NXN: variants seen among roughly 807,000 people sequenced by gnomAD.
The protein encoded by NXN is nucleoredoxin, also known as nucleoredoxin 1.
A neutral mutation model predicts 48.6 loss-of-function variants in NXN; 16 were observed. The observed-to-expected ratio is 0.33, with a 90% CI of 0.22 to 0.50. The LOEUF (loss-of-function observed/expected upper bound fraction) is 0.50, where lower values mean the gene tolerates loss of function less well. Ranked by LOEUF, NXN falls within the 20% of genes least tolerant of loss-of-function variation. The pLI is 0.98. For synonymous variants in NXN, 281 were observed against 269.6 expected (o/e 1.04, Z -0.41); for missense variants, 492 against 605.5 (o/e 0.81, Z 1.97).
chr17:808,212 G>C (rs1035632323), intron 5 of NXN, among the ~76,000 whole-genome samples: 4 of 152,144 alleles, frequency 2.6e-5, no homozygotes, highest in Non-Finnish European at 1.5e-5. Context: ...GCTCCTGGGG[G>C]AGAAGGCTGA....
chr17:817,210 C>T (rs368446204), intron 5 of NXN, among the ~76,000 whole-genome samples: 22 of 152,236 alleles, frequency 1.4e-4, no homozygotes, highest in South Asian at 2.1e-4. Context: ...TCTCAGCTCC[C>T]GCTTAGCCCC....
At chr17:934,747 A>G (rs1033666239) in intron 1 of NXN, among the ~76,000 whole-genome samples, 2 of 151,282 alleles carry the variant, frequency 1.3e-5, no homozygotes, top group African/African-American at 4.9e-5. Flanking sequence ...GATGGCACGC[A>G]CCTGTAATCC....
At chr17:927,327 G>A (rs1015494885) in intron 1 of NXN, among the ~76,000 whole-genome samples, 2 of 151,490 alleles carry the variant, frequency 1.3e-5, no homozygotes, top group African/African-American at 4.8e-5. Flanking sequence ...GCAAAATTAG[G>A]ACTGGGTGCT....
chr17:811,976 G>A (rs1336590532), intron 5 of NXN, among the ~76,000 whole-genome samples: 8 of 141,500 alleles, frequency 5.7e-5, no homozygotes, highest in Non-Finnish European at 1.2e-4. Context: ...CGCCCAGGCT[G>A]GAGTGCAGTG....
At chr17:842,899 A>G (rs929570842) in intron 1 of NXN, among the ~76,000 whole-genome samples, 1 of 152,074 alleles carries the variant, frequency 6.6e-6, no homozygotes, top group African/African-American at 2.4e-5. Flanking sequence ...AGATCGCGCC[A>G]TTGCACTCCA....
chr17:962,775 G>C (rs752048058), intron 1 of NXN, among the ~76,000 whole-genome samples: 1 of 152,106 alleles, frequency 6.6e-6, no homozygotes, highest in Non-Finnish European at 1.5e-5. Context: ...ATCTGAATGC[G>C]CTTGGAAGCG....
At chr17:863,962 G>A in intron 1 of NXN, 4 of 1,533,950 alleles carry the variant, frequency 2.6e-6, no homozygotes, top group Non-Finnish European at 3.5e-6. Flanking sequence ...CCTGGGAACT[G>A]AGTGAGGAAA....
rs545302145 is a variant in NXN at position 804,131 on chromosome 17, A to G, written c.1001-325T>C. On this transcript the variant is annotated intron_variant, in intron 6 of 7. Coordinates refer to ENST00000336868, the MANE Select transcript of NXN (RefSeq NM_022463.5). Reference sequence around the variant, plus strand: ...CCGCCTGGGAGGCTGAGCTTCCCCTAAGCCAGGACCTGAGGCGCCTGCTAG... The same window carrying G: ...CCGCCTGGGAGGCTGAGCTTCCCCTGAGCCAGGACCTGAGGCGCCTGCTAG... 12 of 313,890 alleles carry G rather than the reference A, an allele frequency of 3.8e-5. No homozygotes were observed. In the South Asian group the frequency reaches 5.0e-4, roughly 13 times the overall value. 19.4% of individuals were successfully genotyped at this position (313,890 alleles called of 1,614,324 possible).
chr17:975,312 A>T (rs576588821), intron 1 of NXN, among the ~76,000 whole-genome samples: 1 of 152,318 alleles, frequency 6.6e-6, no homozygotes, highest in African/African-American at 2.4e-5. Context: ...GAAAAGATAC[A>T]GTGGTGTCAC....
chr17:800,752 G>A lies in NXN; in HGVS notation c.*197C>T, dbSNP rs1302295850. 2 of 402,258 alleles carry A rather than the reference G, an allele frequency of 5.0e-6. No homozygotes were observed. Among genetic ancestry groups the A allele is most frequent in the Admixed American group, 4.5e-5 (1 of 22,390 alleles). The allele number at this position is 402,258 out of a possible 1,614,324, so 24.9% of individuals were successfully genotyped here. ...GCTCCCAAACAGAGTCTCCAAACAC[G>A]GTGGACTCTGCCGCTGCTGATTCCA... On this transcript the variant is annotated 3_prime_UTR_variant, in exon 8 of 8. Coordinates refer to ENST00000336868, the MANE Select transcript of NXN (RefSeq NM_022463.5).
intron 1 of NXN, among the ~76,000 whole-genome samples, chr17:836,969 T>C (rs967093731): frequency 1.3e-5 from 2 of 149,156 alleles, no homozygotes; most frequent in Non-Finnish European, 3.0e-5. Context: ...GTTGCTATTA[T>C]TATTATTATT....
In NXN at chr17:979,668, A is replaced by G; in HGVS notation, c.11T>C (p.Phe4Ser). 6.8e-7 allele frequency: 1 copy of G among 1,466,272 alleles called. No homozygotes were observed. Among genetic ancestry groups the G allele is most frequent in the Non-Finnish European group, 9.0e-7 (1 of 1,107,756 alleles). 90.8% of individuals were successfully genotyped at this position (1,466,272 alleles called of 1,614,324 possible). ...CTTCTCGCCGAGCAGCTCCTCCAGG[A>G]AGCCCGACATCCTGGCCCACCGCAG... MSG[F>S]LEELLGEKLV... The change falls in exon 1 of 8, where the codon TTC becomes TCC. Residue 4 changes from phenylalanine (F) to serine (S), a missense_variant. Coordinates refer to ENST00000336868, the MANE Select transcript of NXN (RefSeq NM_022463.5).
intron 1 of NXN, among the ~76,000 whole-genome samples, chr17:844,585 CTTT>C (rs111924353): frequency 6.6e-6 from 1 of 151,778 alleles, no homozygotes; most frequent in African/African-American, 2.4e-5. Context: ...TTTTTCTTTT[CTTT>C]TTTTTCTTTT....
chr17:882,015 T>C (rs1410853411), intron 1 of NXN, among the ~76,000 whole-genome samples: 1 of 152,230 alleles, frequency 6.6e-6, no homozygotes, highest in Admixed American at 6.5e-5. Context: ...CTTGTTTGGA[T>C]AATTGTTCAT....
intron 1 of NXN, among the ~76,000 whole-genome samples, chr17:843,014 AAG>A (rs1567829023): frequency 1.2e-5 from 1 of 83,938 alleles, no homozygotes; most frequent in Non-Finnish European, 2.6e-5. Flanking sequence ...GAGAGAAAGA[AAG>A]AAAGAAAGAA....
In NXN at chr17:920,541, GGCTCTCA is replaced by G. The variant is rs2068738211; in HGVS notation, c.360+58771_360+58777del. 6.6e-6 allele frequency among the ~76,000 whole-genome samples: 1 copy of G among 151,926 alleles called. No homozygotes were observed. Among genetic ancestry groups the G allele is most frequent in the African/African-American group, 2.4e-5 (1 of 41,364 alleles). ...ACTCCAGCTCTGCAGCGTTCTCCCAGGCTCTCAACCCTCGACGCTCATCCAGGTTCAT... is the reference window on the plus strand; with the variant it reads ...ACTCCAGCTCTGCAGCGTTCTCCCAGACCCTCGACGCTCATCCAGGTTCAT... On this transcript the variant is annotated intron_variant, in intron 1 of 7. Coordinates refer to ENST00000336868, the MANE Select transcript of NXN (RefSeq NM_022463.5). The surrounding 1 kb of genome is among the most constrained non-coding windows in gnomAD (Gnocchi z 4.6).
intron 1 of NXN, among the ~76,000 whole-genome samples, chr17:841,575 G>GCAGGTCCACCCTGACCATGGCA (rs1914279904): frequency 8.8e-6 from 1 of 113,108 alleles, no homozygotes. Flanking sequence ...TGACCACGGA[G>GCAGGTCCACCCTGACCATGGCA]CATCTCACGC....
intron 1 of NXN, among the ~76,000 whole-genome samples, chr17:950,850 A>C (rs576004312): frequency 6.6e-6 from 1 of 151,930 alleles, no homozygotes; most frequent in African/African-American, 2.4e-5. Context: ...CACAAAGAAG[A>C]CCAACAAATG....
At chr17:886,531 C>G (rs2068349799) in intron 1 of NXN, among the ~76,000 whole-genome samples, 1 of 152,222 alleles carries the variant, frequency 6.6e-6, no homozygotes, top group Non-Finnish European at 1.5e-5. Context: ...AATCCCAGCA[C>G]TTTGGAAGGC....
Sources: allele counts gnomAD v4.1 joint callset (sites outside exome capture counted in the v4.1 genomes callset), GRCh38; gene constraint gnomAD v4.1.1; non-coding constraint Gnocchi (gnomAD v3.1); transcripts MANE v1.5; gene names NCBI Gene and HGNC (gene_info 2026-07-23, HGNC 2026-07-21).